PRKCE: variants seen among roughly 807,000 people sequenced by gnomAD.
PRKCE encodes protein kinase C epsilon type.
PRKCE carries 16 observed loss-of-function variants against 85.4 expected under a neutral mutation model. The ratio of observed to expected loss-of-function variants is 0.19; its 90% CI spans 0.13 to 0.28. The LOEUF (loss-of-function observed/expected upper bound fraction) is 0.28. Among genes scored for constraint, PRKCE ranks in the 10% least tolerant of loss-of-function variants. The pLI, the probability that PRKCE is intolerant of heterozygous loss-of-function variation, is 1.00. For synonymous variants in PRKCE, 388 were observed against 371.5 expected (o/e 1.04, Z -0.51); for missense variants, 573 against 975.2 (o/e 0.59, Z 5.49).
At chr2:45,752,257 TC>T (rs1264976287) in intron 1 of PRKCE, among the ~76,000 whole-genome samples, 5 of 152,234 alleles carry the variant, frequency 3.3e-5, no homozygotes, top group African/African-American at 1.2e-4. Flanking sequence ...ATTATCGTTA[TC>T]CCCATTTTAC....
At chr2:45,992,601 C>T (rs935076717) in intron 6 of PRKCE, among the ~76,000 whole-genome samples, 1 of 152,194 alleles carries the variant, frequency 6.6e-6, no homozygotes, top group Non-Finnish European at 1.5e-5. Context: ...CAAACCATTG[C>T]CCTGGCTCAC....
intron 1 of PRKCE, among the ~76,000 whole-genome samples, chr2:45,663,825 T>A (rs1212718339): frequency 3.3e-5 from 5 of 151,832 alleles, no homozygotes; most frequent in Admixed American, 2.6e-4. Context: ...TTTTAGCATT[T>A]TGTGTTATGA....
At chr2:45,968,949 G>A (rs962393959) in intron 2 of PRKCE, among the ~76,000 whole-genome samples, 8 of 151,896 alleles carry the variant, frequency 5.3e-5, no homozygotes, top group Non-Finnish European at 1.0e-4. Flanking sequence ...GTGAAGTTAG[G>A]TAAACAGAAG....
intron 2 of PRKCE, among the ~76,000 whole-genome samples, chr2:45,894,455 C>T (rs1002121674): frequency 2.7e-5 from 4 of 150,592 alleles, no homozygotes; most frequent in South Asian, 4.3e-4. Context: ...TGGGGAGTAG[C>T]GTCATTTAGT....
intron 1 of PRKCE, among the ~76,000 whole-genome samples, chr2:45,731,417 G>C (rs1681563210): frequency 6.6e-6 from 1 of 152,104 alleles, no homozygotes; most frequent in African/African-American, 2.4e-5. Context: ...TGGGGAGATG[G>C]AGTAAAAATC....
intron 1 of PRKCE, among the ~76,000 whole-genome samples, chr2:45,730,446 C>G (rs1202779855): frequency 6.6e-6 from 1 of 151,286 alleles, no homozygotes; most frequent in South Asian, 2.1e-4. Flanking sequence ...CTGTGAGCCA[C>G]CAGTTGTAAT....
chr2:46,016,019 T>A (rs938089611), intron 10 of PRKCE, among the ~76,000 whole-genome samples: 1 of 152,176 alleles, frequency 6.6e-6, no homozygotes, highest in Non-Finnish European at 1.5e-5. Context: ...TAATTTGCAA[T>A]GGATTTTAGA....
rs1553397741 is a variant in PRKCE at position 45,744,500 on chromosome 2, T to TTTCTTTCTTTCTTTCTTTC, written c.348+92054_348+92055insCTTTCTTTCTTTCTTTCTT. Among the ~76,000 whole-genome samples, 48 of 84,730 alleles carry TTTCTTTCTTTCTTTCTTTC rather than the reference T, an allele frequency of 5.7e-4. 1 individual carries two copies. The highest frequency in any genetic ancestry group is 2.6e-3 in the African/African-American group (46 of 17,446). 55.6% of individuals were successfully genotyped at this position (84,730 alleles called of 152,430 possible). A position where few individuals can be genotyped will look rare whatever the true frequency, so the allele number is the denominator to read the frequency against. ...TTCTTTCTTTCTTTTTCTTTCTTTC[T>TTTCTTTCTTTCTTTCTTTC]TTTCTTTCTTTCTTTCTTTCTTTCT... is the stretch of plus-strand genomic sequence containing the variant. On this transcript the variant is annotated intron_variant, in intron 1 of 14. Coordinates refer to ENST00000306156, the MANE Select transcript of PRKCE (RefSeq NM_005400.3).
chr2:45,672,756 T>C (rs1445448562), intron 1 of PRKCE, among the ~76,000 whole-genome samples: 1 of 152,160 alleles, frequency 6.6e-6, no homozygotes, highest in Non-Finnish European at 1.5e-5. Context: ...CTGAACACAG[T>C]GCCTCACGCC....
At chr2:45,699,249 G>A (rs76194467) in intron 1 of PRKCE, among the ~76,000 whole-genome samples, 3,453 of 152,192 alleles carry the variant, frequency 0.023, 120 homozygotes, top group African/African-American at 0.078. Flanking sequence ...GGGCCCAGCA[G>A]CCTTTTGCAC....
At chr2:45,864,426 G>T (rs1395387922) in intron 2 of PRKCE, among the ~76,000 whole-genome samples, 1 of 151,950 alleles carries the variant, frequency 6.6e-6, no homozygotes, top group Non-Finnish European at 1.5e-5. Flanking sequence ...ACATTTTTAG[G>T]AACAATAGAC....
intron 1 of PRKCE, among the ~76,000 whole-genome samples, chr2:45,747,059 C>A (rs1041954212): frequency 1.3e-5 from 2 of 152,200 alleles, no homozygotes; most frequent in African/African-American, 4.8e-5. Context: ...TTTTACCCTG[C>A]CTCCTTTTGC....
At chr2:45,875,944 C>T (rs145285101) in intron 2 of PRKCE, among the ~76,000 whole-genome samples, 161 of 152,262 alleles carry the variant, frequency 1.1e-3, no homozygotes, top group African/African-American at 3.3e-3. Flanking sequence ...GTGCAGATGA[C>T]GGGTTTTAGA....
At chr2:45,847,434 TAACTC>T (rs1299251007) in intron 2 of PRKCE, among the ~76,000 whole-genome samples, 1 of 152,256 alleles carries the variant, frequency 6.6e-6, no homozygotes, top group Non-Finnish European at 1.5e-5. Flanking sequence ...TTAGAAATCT[TAACTC>T]AACTTTGCAA....
chr2:45,987,769 C>G (rs1358143534), intron 6 of PRKCE, among the ~76,000 whole-genome samples: 13 of 152,216 alleles, frequency 8.5e-5, no homozygotes, highest in Non-Finnish European at 1.9e-4. Flanking sequence ...TAGTATCATA[C>G]AGATTAGCTG....
chr2:45,935,539 C>A (rs1424250346), intron 2 of PRKCE, among the ~76,000 whole-genome samples: 2 of 152,186 alleles, frequency 1.3e-5, no homozygotes, highest in East Asian at 1.9e-4. Flanking sequence ...ATAATCCCAG[C>A]ACTTTGGGAG....
chr2:45,882,528 A>G (rs893460331), intron 2 of PRKCE, among the ~76,000 whole-genome samples: 1 of 152,224 alleles, frequency 6.6e-6, no homozygotes, highest in Non-Finnish European at 1.5e-5. Flanking sequence ...AACTACTCCA[A>G]AGAAAAATGA....
chr2:45,903,751 T>A (rs1010475560), intron 2 of PRKCE, among the ~76,000 whole-genome samples: 2 of 152,118 alleles, frequency 1.3e-5, no homozygotes, highest in Non-Finnish European at 2.9e-5. Flanking sequence ...TGATTCCAAG[T>A]TTTAGAGAGC....
At chr2:46,022,094 G>A (rs1035277652) in intron 10 of PRKCE, among the ~76,000 whole-genome samples, 1 of 152,198 alleles carries the variant, frequency 6.6e-6, no homozygotes. Context: ...CTATTCAGCT[G>A]TTTGGGTTCA....
Sources: gnomAD v4.1 joint callset for allele counts (sites outside exome capture counted in the v4.1 genomes callset) on GRCh38, gnomAD v4.1.1 for gene constraint, MANE v1.5 for transcripts, NCBI Gene and HGNC (gene_info 2026-07-23, HGNC 2026-07-21) for gene names.